SV2B: variants seen among roughly 807,000 people sequenced by gnomAD.
SV2B encodes solute carrier family 22 member B2.
SV2B carries 41 observed loss-of-function variants against 73.9 expected under a neutral mutation model. The observed-to-expected ratio is 0.56, with a 90% CI of 0.43 to 0.72. The LOEUF is 0.72. SV2B is among the 30% of genes least tolerant of loss of function. The pLI is 0.00. For missense variants in SV2B, 764 were observed against 857.8 expected (o/e 0.89, Z 1.37); for synonymous variants, 314 against 314.2 (o/e 1.00, Z 0.01).
rs1447227501 is a variant in SV2B at position 91,231,707 on chromosome 15, T to C, written c.451+4993T>C. On this transcript the variant is annotated intron_variant, in intron 2 of 12. Coordinates refer to ENST00000394232, the MANE Select transcript of SV2B (RefSeq NM_001323032.3). This position sits in a 1 kb window ranked among gnomAD's most constrained non-coding sequence, Gnocchi z 4.5. ...TCATGCCTATAATAGTGAGCTTCAC[T>C]TTCAGGCAAGAGTTCCGTGTTTTGC... is the stretch of plus-strand genomic sequence containing the variant. Among the ~76,000 whole-genome samples the C allele has an allele frequency of 1.3e-5, 2 of 152,232 alleles. No homozygotes were observed. The highest frequency in any genetic ancestry group is 4.8e-5 in the African/African-American group (2 of 41,464).
At position 91,198,410 on chromosome 15, in the gene SV2B, T is replaced by C. The variant is rs528649472; in HGVS notation, c.-391-27463T>C. 2.6e-5 allele frequency among the ~76,000 whole-genome samples: 4 copies of C among 152,226 alleles called. No individual in the cohort carries two copies. In the East Asian group the frequency reaches 7.7e-4, roughly 29 times the overall value. The stretch of plus-strand genomic sequence containing the variant: ...CTGAACGGATTTTTCTCATTGCTTT[T>C]TCTTCTCAGTGACAGCTTTTGGTTT... On this transcript the variant is annotated intron_variant, in intron 1 of 12. Transcript: ENST00000394232.
intron 1 of SV2B, among the ~76,000 whole-genome samples, chr15:91,178,123 G>A (rs2044395104): frequency 6.6e-6 from 1 of 151,518 alleles, no homozygotes; most frequent in Non-Finnish European, 1.5e-5. Context: ...TTTTGTCAAA[G>A]GCCTTTTCTG....
In SV2B at chr15:91,197,885, T is replaced by C. The variant is rs1163800366; in HGVS notation, c.-391-27988T>C. On this transcript the variant is annotated intron_variant, in intron 1 of 12. Coordinates refer to ENST00000394232, the MANE Select transcript of SV2B (RefSeq NM_001323032.3). This position sits in a 1 kb window ranked among gnomAD's most constrained non-coding sequence, Gnocchi z 4.9. ...CCCATCTCTACAAAAAATACAAAAA[T>C]TAGCCAGGCATGGTGGGGGACCCGT... 2.0e-5 allele frequency among the ~76,000 whole-genome samples: 3 copies of C among 151,844 alleles called. No individual in the cohort carries two copies. Among genetic ancestry groups the C allele is most frequent in the Non-Finnish European group, 4.4e-5 (3 of 67,960 alleles).
chr15:91,111,165 A>G (rs2042025097), intron 1 of SV2B, among the ~76,000 whole-genome samples: 2 of 152,254 alleles, frequency 1.3e-5, no homozygotes, highest in East Asian at 3.9e-4. Context: ...ATCTCGGGGC[A>G]CTACAGAGGG....
intron 1 of SV2B, among the ~76,000 whole-genome samples, chr15:91,168,636 C>A (rs2044006571): frequency 6.6e-6 from 1 of 152,022 alleles, no homozygotes; most frequent in African/African-American, 2.4e-5. Flanking sequence ...ATGTGAGCCA[C>A]CCTAGAGTCT....
rs773766111 is a variant in SV2B, at chr15:91,280,964, A to G, written c.1374-764A>G. 3.9e-5 allele frequency among the ~76,000 whole-genome samples: 6 copies of G among 152,334 alleles called. No individual in the cohort carries two copies. The South Asian group carries it at 8.3e-4, about 21-fold the overall frequency. On this transcript the variant is annotated intron_variant, in intron 9 of 12. Transcript: ENST00000394232. This position sits in a 1 kb window ranked among gnomAD's most constrained non-coding sequence, Gnocchi z 5.8. ...TGCATCTTGATTTTTTAACTTAACA[A>G]TATATCTTAAAGATTATTCCATATT...
chr15:91,192,681 C>G (rs1423995029), intron 1 of SV2B, among the ~76,000 whole-genome samples: 1 of 152,172 alleles, frequency 6.6e-6, no homozygotes, highest in Non-Finnish European at 1.5e-5. Flanking sequence ...AAGGGGAAGG[C>G]AGGTGACATT....
chr15:91,145,108 A>T (rs2043108453), intron 1 of SV2B, among the ~76,000 whole-genome samples: 1 of 152,138 alleles, frequency 6.6e-6, no homozygotes, highest in Admixed American at 6.5e-5. Context: ...AGTACCCATT[A>T]GTTATTGTTC....
rs145858658 is a variant in SV2B at position 91,120,460 on chromosome 15, G to A, written c.-392+20097G>A. On this transcript the variant is annotated intron_variant, in intron 1 of 12. Transcript: ENST00000394232. ...AATTATAATTCAACATGAGATTTGG[G>A]TGGGGACATGGAGCCAAACCATATT... Among the ~76,000 whole-genome samples the A allele has an allele frequency of 7.2e-5, 11 of 152,240 alleles. No homozygotes were observed. In the East Asian group the frequency reaches 1.9e-3, roughly 27 times the overall value.
chr15:91,239,251 T>G lies in SV2B; in HGVS notation c.451+12537T>G, dbSNP rs950102094. ...TCTGTTTCACCACTGGAGATTTTGC[T>G]GACTCAGAGGCATTCATCAATCTCT... is the stretch of plus-strand genomic sequence containing the variant. On this transcript the variant is annotated intron_variant, in intron 2 of 12. Coordinates refer to ENST00000394232, the MANE Select transcript of SV2B (RefSeq NM_001323032.3). The surrounding 1 kb of genome is among the most constrained non-coding windows in gnomAD (Gnocchi z 5.1). 2.0e-5 allele frequency among the ~76,000 whole-genome samples: 3 copies of G among 152,036 alleles called. No individual in the cohort carries two copies. The highest frequency in any genetic ancestry group is 1.3e-4 in the Admixed American group (2 of 15,264).
At chr15:91,217,301 C>G (rs531220265) in intron 1 of SV2B, among the ~76,000 whole-genome samples, 36 of 152,154 alleles carry the variant, frequency 2.4e-4, no homozygotes, top group Admixed American at 2.1e-3. Context: ...TTGGACCTGC[C>G]CACAATCTCC....
At chr15:91,170,191 T>C (rs1274212203) in intron 1 of SV2B, among the ~76,000 whole-genome samples, 1 of 152,236 alleles carries the variant, frequency 6.6e-6, no homozygotes, top group South Asian at 2.1e-4. Flanking sequence ...GCAGTGTCAG[T>C]GCATGGGTTG....
Position 91,300,640 on chromosome 15 carries a change from G to A in SV2B, c.*8088G>A, listed in dbSNP as rs2049411764. The A allele has an allele frequency of 6.6e-6, 1 of 152,178 alleles. No individual in the cohort carries two copies. The allele number at this position is 152,178 out of a possible 1,614,324, so 9.4% of individuals were successfully genotyped here. Reference sequence around the variant, plus strand: ...ACCCAGATGTGGGTGACTATTTCCTGTTCTTCCCTGAAAGTCAGGCCAGTG... The same window carrying A: ...ACCCAGATGTGGGTGACTATTTCCTATTCTTCCCTGAAAGTCAGGCCAGTG... On this transcript the variant is annotated 3_prime_UTR_variant, in exon 13 of 13. Transcript: ENST00000394232.
intron 1 of SV2B, among the ~76,000 whole-genome samples, chr15:91,187,071 T>C (rs2044800315): frequency 6.6e-6 from 1 of 152,200 alleles, no homozygotes; most frequent in South Asian, 2.1e-4. Flanking sequence ...TCCTGAGTCA[T>C]GCACAAGGCG....
chr15:91,103,357 TA>T (rs1189075039), intron 1 of SV2B, among the ~76,000 whole-genome samples: 5 of 152,306 alleles, frequency 3.3e-5, no homozygotes, highest in Non-Finnish European at 7.4e-5. Flanking sequence ...TCCCCCACAC[TA>T]AAAGAAAAGG....
chr15:91,267,764 G>T lies in SV2B; in HGVS notation c.1208+121G>T. The T allele has an allele frequency of 1.2e-6, 1 of 826,140 alleles. No individual in the cohort carries two copies. The allele number at this position is 826,140 out of a possible 1,614,324, so 51.2% of individuals were successfully genotyped here. On this transcript the variant is annotated intron_variant, in intron 8 of 12. Coordinates refer to ENST00000394232, the MANE Select transcript of SV2B (RefSeq NM_001323032.3). This position sits in a 1 kb window ranked among gnomAD's most constrained non-coding sequence, Gnocchi z 4.3. ...ATCAGGTAGGATGCTTTGGTGGCAA[G>T]TAGCAGAAAACCAACTCTAGTGGCT... is the stretch of plus-strand genomic sequence containing the variant.
In SV2B at chr15:91,226,011, C is replaced by T. The variant is rs892184086; in HGVS notation, c.-253C>T. The T allele has an allele frequency of 1.8e-5, 9 of 503,062 alleles. No homozygotes were observed. The highest frequency in any genetic ancestry group is 1.6e-4 in the African/African-American group (8 of 51,220). The allele number at this position is 503,062 out of a possible 1,614,324, so 31.2% of individuals were successfully genotyped here. On this transcript the variant is annotated 5_prime_UTR_variant, in exon 2 of 13. Coordinates refer to ENST00000394232, the MANE Select transcript of SV2B (RefSeq NM_001323032.3). ...AACACTTCTGAGTCTCTGAAGGAGACCAGAGCTTGAAACTTTCCAGACTTC... is the reference window on the plus strand; with the variant it reads ...AACACTTCTGAGTCTCTGAAGGAGATCAGAGCTTGAAACTTTCCAGACTTC...
chr15:91,275,719 G>C (rs1233162023), intron 9 of SV2B, among the ~76,000 whole-genome samples: 4 of 152,090 alleles, frequency 2.6e-5, no homozygotes, highest in Non-Finnish European at 5.9e-5. Context: ...CCAGCTACTT[G>C]GGAGGCTGAG....
chr15:91,249,678 A>G (rs574826843), intron 2 of SV2B, among the ~76,000 whole-genome samples: 1 of 152,346 alleles, frequency 6.6e-6, no homozygotes, highest in Admixed American at 6.5e-5. Flanking sequence ...AATGAAAGAG[A>G]AGGCATTACA....
Sources: allele counts gnomAD v4.1 joint callset (sites outside exome capture counted in the v4.1 genomes callset), GRCh38; gene constraint gnomAD v4.1.1; non-coding constraint Gnocchi (gnomAD v3.1); transcripts MANE v1.5; gene names NCBI Gene and HGNC (gene_info 2026-07-23, HGNC 2026-07-21).